CDH18: variants seen among roughly 807,000 people sequenced by gnomAD.
CDH18 encodes cadherin-18.
A neutral mutation model predicts 67.9 loss-of-function variants in CDH18; 31 were observed. The observed-to-expected ratio is 0.46, with a 90% confidence interval of 0.34 to 0.62. CDH18 has a LOEUF of 0.62. CDH18 is among the 20% of genes least tolerant of loss of function. CDH18 has a pLI of 0.01. For missense variants in CDH18, 890 were observed against 975.5 expected (o/e 0.91, Z 1.17); for synonymous variants, 362 against 347.2 (o/e 1.04, Z -0.48).
At chr5:20,122,439 A>C (rs1386228341) in intron 2 of CDH18, among the ~76,000 whole-genome samples, 1 of 152,206 alleles carries the variant, frequency 6.6e-6, no homozygotes, top group African/African-American at 2.4e-5. Flanking sequence ...TCAGGTTTTT[A>C]TGAAAAAGAA....
At chr5:19,635,558 T>C (rs1753018039) in intron 5 of CDH18, among the ~76,000 whole-genome samples, 1 of 152,132 alleles carries the variant, frequency 6.6e-6, no homozygotes, top group African/African-American at 2.4e-5. Flanking sequence ...TGGAAACATG[T>C]AGCAATTTGT....
chr5:19,473,686 C>A lies in CDH18; in HGVS notation c.1913G>T (p.Arg638Leu), dbSNP rs565236156. ...AATGATCAAGGGCTCTTTTTTGCTG[C>A]GCCTCAGGGTGATAAAAAGTACCAC... Reference protein sequence around the residue: ...AIVVLFITLRRSKKEPLIISE... With the variant: ...AIVVLFITLRLSKKEPLIISE... Residue 638 changes from arginine (R) to leucine (L), a missense_variant, in exon 13 of 13, where the codon CGC becomes CTC. Arg to Leu is a moderately radical substitution (Grantham distance 102). This residue lies in a region of CDH18 where 656 missense variants were observed against 668.1 expected (regional missense o/e 0.98). Coordinates refer to ENST00000382275, the MANE Select transcript of CDH18 (RefSeq NM_004934.5). The A allele has an allele frequency of 3.7e-6, 6 of 1,610,414 alleles. No homozygotes were observed. The South Asian group carries it at 5.5e-5, about 15-fold the overall frequency.
At chr5:19,510,688 C>T (rs1744967049) in intron 10 of CDH18, among the ~76,000 whole-genome samples, 1 of 151,840 alleles carries the variant, frequency 6.6e-6, no homozygotes, top group Non-Finnish European at 1.5e-5. Flanking sequence ...AATTATAATC[C>T]CCATAATCCC....
intron 2 of CDH18, among the ~76,000 whole-genome samples, chr5:19,962,041 C>A: frequency 6.6e-6 from 1 of 151,702 alleles, no homozygotes; most frequent in East Asian, 1.9e-4. Context: ...ATGTTATGAT[C>A]TTTTCATAAT....
At chr5:20,487,315 T>C (rs1753258929) in intron 1 of CDH18, among the ~76,000 whole-genome samples, 1 of 150,972 alleles carries the variant, frequency 6.6e-6, no homozygotes, top group South Asian at 2.1e-4. Context: ...TCCATATATA[T>C]ATGGAGATAC....
chr5:20,228,627 T>C (rs1741825414), intron 2 of CDH18, among the ~76,000 whole-genome samples: 1 of 152,030 alleles, frequency 6.6e-6, no homozygotes, highest in South Asian at 2.1e-4. Flanking sequence ...CCAACCCCTC[T>C]CTCTGCTCCT....
intron 2 of CDH18, among the ~76,000 whole-genome samples, chr5:19,889,093 T>C (rs1474911472): frequency 6.6e-6 from 1 of 152,120 alleles, no homozygotes; most frequent in Non-Finnish European, 1.5e-5. Flanking sequence ...GTAAATACTA[T>C]GTAAATGGTT....
chr5:20,075,783 T>C (rs1743876886), intron 2 of CDH18, among the ~76,000 whole-genome samples: 1 of 152,196 alleles, frequency 6.6e-6, no homozygotes, highest in African/African-American at 2.4e-5. Flanking sequence ...TTGATGATAA[T>C]TTAGGTTGTG....
At chr5:19,973,538 G>A (rs1798224039) in intron 2 of CDH18, among the ~76,000 whole-genome samples, 1 of 152,000 alleles carries the variant, frequency 6.6e-6, no homozygotes, top group South Asian at 2.1e-4. Context: ...TTTACTTGGA[G>A]GTGAGAAAAA....
chr5:19,887,531 T>G (rs1369376446), intron 2 of CDH18, among the ~76,000 whole-genome samples: 1 of 152,018 alleles, frequency 6.6e-6, no homozygotes, highest in Non-Finnish European at 1.5e-5. Flanking sequence ...GTTGTATTGT[T>G]TTAATATTCA....
chr5:19,994,690 A>C (rs1735745811), intron 2 of CDH18, among the ~76,000 whole-genome samples: 1 of 111,738 alleles, frequency 8.9e-6, no homozygotes. Flanking sequence ...GTCAAATGCT[A>C]ACCTCTTCCA....
chr5:20,070,918 C>G (rs1361601715), intron 2 of CDH18, among the ~76,000 whole-genome samples: 1 of 152,152 alleles, frequency 6.6e-6, no homozygotes, highest in Non-Finnish European at 1.5e-5. Flanking sequence ...AAAAACACCA[C>G]TCATTGGCTA....
chr5:19,783,001 T>C (rs576160464), intron 3 of CDH18, among the ~76,000 whole-genome samples: 26 of 152,320 alleles, frequency 1.7e-4, no homozygotes, highest in African/African-American at 6.0e-4. Flanking sequence ...AGAAGTTTAA[T>C]ACTTTGTGTA....
rs370878056 is a variant in CDH18, at chr5:19,597,768, C to T, written c.812-6524G>A. ...ATTTGCTATAATCAAATTCTCAGCT[C>T]ATCTTCCCAGAACCATGATCATCCC... is the stretch of plus-strand genomic sequence containing the variant. On this transcript the variant is annotated intron_variant, in intron 6 of 12. Transcript: ENST00000382275. 1.8e-4 allele frequency among the ~76,000 whole-genome samples: 28 copies of T among 152,244 alleles called. No individual in the cohort carries two copies. In the South Asian group the frequency reaches 5.8e-3, roughly 32 times the overall value.
At chr5:19,879,126 G>C (rs1411711127) in intron 2 of CDH18, among the ~76,000 whole-genome samples, 1 of 151,936 alleles carries the variant, frequency 6.6e-6, no homozygotes, top group Non-Finnish European at 1.5e-5. Context: ...TTCAGCTAAA[G>C]TTATCTTAAC....
chr5:19,963,981 C>T (rs147283592), intron 2 of CDH18, among the ~76,000 whole-genome samples: 1,785 of 152,040 alleles, frequency 0.012, 37 homozygotes, highest in African/African-American at 0.041. Flanking sequence ...GGGCAAGTGC[C>T]CCCATGATCC....
intron 5 of CDH18, among the ~76,000 whole-genome samples, chr5:19,648,110 T>A (rs1229076905): frequency 6.6e-6 from 1 of 152,000 alleles, no homozygotes; most frequent in Non-Finnish European, 1.5e-5. Flanking sequence ...TTTCAGTTAA[T>A]GTTTCAGTTA....
chr5:19,902,018 A>G (rs1021115465), intron 2 of CDH18, among the ~76,000 whole-genome samples: 2 of 152,066 alleles, frequency 1.3e-5, no homozygotes, highest in Non-Finnish European at 2.9e-5. Context: ...TTTTTCTTGT[A>G]TCAAAAAAAC....
intron 2 of CDH18, among the ~76,000 whole-genome samples, chr5:19,841,573 A>C (rs1379495341): frequency 6.9e-6 from 1 of 145,384 alleles, no homozygotes; most frequent in African/African-American, 2.6e-5. Context: ...ATGAATTTCA[A>C]AAAAAAAAAA....
Sources: allele counts gnomAD v4.1 joint callset (sites outside exome capture counted in the v4.1 genomes callset), GRCh38; gene constraint gnomAD v4.1.1; regional missense constraint gnomAD v4.1.1; transcripts MANE v1.5; gene names NCBI Gene and HGNC (gene_info 2026-07-23, HGNC 2026-07-21).